Variants in MEGF10 observed in about 807,000 individuals in gnomAD.
The protein encoded by MEGF10 is multiple EGF like domains 10, also known as multiple epidermal growth factor-like domains protein 10.
MEGF10 carries 86 observed loss-of-function variants against 147.5 expected under a neutral mutation model. The ratio of observed to expected loss-of-function variants is 0.58; its 90% CI spans 0.49 to 0.70. The LOEUF (loss-of-function observed/expected upper bound fraction) is 0.70, where lower values mean the gene tolerates loss of function less well. Among genes scored for constraint, MEGF10 ranks in the 30% least tolerant of loss-of-function variants. The pLI is 0.00. For synonymous variants in MEGF10, 478 were observed against 525.5 expected (o/e 0.91, Z 1.24); for missense variants, 1,329 against 1,487.3 (o/e 0.89, Z 1.75).
chr5:127,368,800 T>C (rs1762745878), intron 4 of MEGF10, among the ~76,000 whole-genome samples: 1 of 152,132 alleles, frequency 6.6e-6, no homozygotes, highest in African/African-American at 2.4e-5. Context: ...CCTTAGTGCA[T>C]AAATCACATA....
intron 13 of MEGF10, among the ~76,000 whole-genome samples, chr5:127,423,940 A>G (rs1244116139): frequency 1.3e-5 from 2 of 152,174 alleles, no homozygotes; most frequent in African/African-American, 2.4e-5. Flanking sequence ...ATGTAAAAAA[A>G]CATTGCCTGA....
Position 127,344,263 on chromosome 5 carries a change from C to G in MEGF10, c.319+3633C>G, listed in dbSNP as rs74893096. 8.8e-3 allele frequency among the ~76,000 whole-genome samples: 1,334 copies of G among 152,162 alleles called. 24 individuals carry two copies. Among genetic ancestry groups the G allele is most frequent in the African/African-American group, 0.031 (1,275 of 41,514 alleles). ...TGCAGTCTAAGTATCTTTTTTAATGCATTTCAGACAACAACGAAGTCATGG... is the reference window on the plus strand; with the variant it reads ...TGCAGTCTAAGTATCTTTTTTAATGGATTTCAGACAACAACGAAGTCATGG... On this transcript the variant is annotated intron_variant, in intron 4 of 24. Coordinates refer to ENST00000503335, the MANE Select transcript of MEGF10 (RefSeq NM_001256545.2).
intron 8 of MEGF10, among the ~76,000 whole-genome samples, chr5:127,405,984 A>G (rs1308486783): frequency 3.3e-5 from 5 of 152,190 alleles, no homozygotes; most frequent in Non-Finnish European, 5.9e-5. Flanking sequence ...TATTTTGGAT[A>G]GATTAGGCTG....
chr5:127,285,948 G>C (rs568104010), upstream of MEGF10, among the ~76,000 whole-genome samples: 1 of 151,988 alleles, frequency 6.6e-6, no homozygotes, highest in African/African-American at 2.4e-5. Context: ...AAAAAACGTG[G>C]TATATACACA....
At chr5:127,332,840 A>G (rs1761316234) in intron 2 of MEGF10, among the ~76,000 whole-genome samples, 1 of 152,180 alleles carries the variant, frequency 6.6e-6, no homozygotes, top group African/African-American at 2.4e-5. Context: ...GGTCAAATTT[A>G]GTAAAGGAAG....
chr5:127,379,559 A>G (rs1763173498), intron 5 of MEGF10, among the ~76,000 whole-genome samples: 1 of 149,228 alleles, frequency 6.7e-6, no homozygotes, highest in South Asian at 2.1e-4. Context: ...GCTCAGAATA[A>G]TACTCATCTC....
chr5:127,385,396 C>T (rs1180122024), intron 5 of MEGF10, among the ~76,000 whole-genome samples: 1 of 152,054 alleles, frequency 6.6e-6, no homozygotes, highest in Non-Finnish European at 1.5e-5. Flanking sequence ...GCCTCAGCCT[C>T]CTGAGTGCTG....
chr5:127,247,932 G>A, the MEGF10 span, among the ~76,000 whole-genome samples: 1 of 152,080 alleles, frequency 6.6e-6, no homozygotes, highest in South Asian at 2.1e-4. Flanking sequence ...CTGAGAGCTG[G>A]TGTGGGCTTT....
intron 1 of MEGF10, among the ~76,000 whole-genome samples, chr5:127,330,483 C>T (rs901373850): frequency 1.3e-5 from 2 of 152,164 alleles, no homozygotes; most frequent in Admixed American, 6.6e-5. Flanking sequence ...CTGCCTGGAA[C>T]ATTCACCCTC....
intron 13 of MEGF10, 110 bp downstream of exon 13, chr5:127,422,882 G>T: frequency 1.3e-6 from 1 of 790,496 alleles, no homozygotes. Context: ...CAAAAAAAAT[G>T]AAAATTCGAT....
upstream of MEGF10, among the ~76,000 whole-genome samples, chr5:127,286,070 CAT>C (rs932909816): frequency 5.0e-4 from 76 of 152,192 alleles, no homozygotes; most frequent in African/African-American, 1.8e-3. Context: ...AGGAATATCA[CAT>C]GTTTTCACTC....
chr5:127,239,417 G>A, the MEGF10 span, among the ~76,000 whole-genome samples: 15 of 125,138 alleles, frequency 1.2e-4, no homozygotes, highest in African/African-American at 4.3e-4. Context: ...ACACACACAC[G>A]GGAGAGAGAG....
intron 1 of MEGF10, among the ~76,000 whole-genome samples, chr5:127,297,735 A>G (rs1759571718): frequency 6.6e-6 from 1 of 152,212 alleles, no homozygotes; most frequent in Admixed American, 6.5e-5. Context: ...TCCCCATAGT[A>G]CTATCTGCGT....
chr5:127,383,974 A>T (rs1159612969), intron 5 of MEGF10, among the ~76,000 whole-genome samples: 1 of 152,182 alleles, frequency 6.6e-6, no homozygotes, highest in African/African-American at 2.4e-5. Context: ...CTTTATCCTC[A>T]TGTGTCCAGA....
the MEGF10 span, among the ~76,000 whole-genome samples, chr5:127,256,590 T>C: frequency 6.6e-6 from 1 of 152,154 alleles, no homozygotes; most frequent in African/African-American, 2.4e-5. Context: ...GTTTGATCTC[T>C]CTCCCTTGCA....
At chr5:127,353,357 C>A (rs543184825) in intron 4 of MEGF10, among the ~76,000 whole-genome samples, 146 of 152,166 alleles carry the variant, frequency 9.6e-4, no homozygotes, top group Non-Finnish European at 1.9e-3. Context: ...CTTTGAAACC[C>A]GACCTCTTAG....
chr5:127,402,737 T>C, intron 8 of MEGF10, 55 bp downstream of exon 8: 1 of 1,599,012 alleles, frequency 6.3e-7, no homozygotes, highest in Non-Finnish European at 8.5e-7. Context: ...AAAGGAAAGT[T>C]TGTAGGGTCC....
At position 127,442,865 on chromosome 5, in the gene MEGF10, T is replaced by C. The variant is rs972599848; in HGVS notation, c.2363-133T>C. ...AATGCTGTCCAGTTCTGGGACACTC[T>C]TGGGGGTACAAGTCAGCCTCAATAG... On this transcript the variant is annotated intron_variant, in intron 18 of 24. Transcript: ENST00000503335. The C allele has an allele frequency of 1.6e-5, 14 of 880,286 alleles. No homozygotes were observed. In the African/African-American group the frequency reaches 2.4e-4, roughly 15 times the overall value. The allele number at this position is 880,286 out of a possible 1,614,324, so 54.5% of individuals were successfully genotyped here.
chr5:127,424,677 TA>T, intron 13 of MEGF10: 1 of 651,678 alleles, frequency 1.5e-6, no homozygotes, highest in Non-Finnish European at 2.0e-6. Flanking sequence ...CTTTATTTTC[TA>T]CCAATAGGAG....
Sources: gnomAD v4.1 joint callset for allele counts (sites outside exome capture counted in the v4.1 genomes callset) on GRCh38, gnomAD v4.1.1 for gene constraint, MANE v1.5 for transcripts, NCBI Gene and HGNC (gene_info 2026-07-23, HGNC 2026-07-21) for gene names.